USP38: variants seen among roughly 807,000 people sequenced by gnomAD.
The protein encoded by USP38 is ubiquitin specific peptidase 38.
Under a neutral mutation model 94.3 loss-of-function variants are expected in USP38, and 49 were observed. The ratio of observed to expected loss-of-function variants is 0.52; its 90% CI spans 0.41 to 0.66. The LOEUF is 0.66. Among genes scored for constraint, USP38 ranks in the 30% least tolerant of loss-of-function variants. USP38 has a pLI of 0.00. For synonymous variants in USP38, 468 were observed against 463.6 expected (o/e 1.01, Z -0.12); for missense variants, 1,128 against 1,229.4 (o/e 0.92, Z 1.23).
rs377244774 is a variant in USP38, at chr4:143,209,676, A to G, written c.1497+19A>G. 1 of 1,498,408 alleles carries G rather than the reference A, an allele frequency of 6.7e-7. No homozygotes were observed. The highest frequency in any genetic ancestry group is 1.8e-5 in the Admixed American group (1 of 55,304). The allele number at this position is 1,498,408 out of a possible 1,614,324, so 92.8% of individuals were successfully genotyped here. On this transcript the variant is annotated intron_variant, in intron 7 of 9. Coordinates refer to ENST00000307017, the MANE Select transcript of USP38 (RefSeq NM_032557.6). ...TACACAGGTGAGTGTGTATGTGTAT[A>G]TAGTACGTTTATGTTAACTGCGTGG...
At chr4:143,220,236 G>T in intron 9 of USP38, 59 bp from the exon 10 acceptor site, 1 of 1,483,544 alleles carries the variant, frequency 6.7e-7, no homozygotes, top group South Asian at 1.3e-5. Context: ...TTCTATAGGT[G>T]ATATAACGAT....
chr4:143,203,991 T>C (rs919444908), intron 5 of USP38, among the ~76,000 whole-genome samples: 4 of 152,038 alleles, frequency 2.6e-5, no homozygotes, highest in East Asian at 1.9e-4. Flanking sequence ...TTTTTTTTTT[T>C]TTCTTCTTGA....
intron 8 of USP38, among the ~76,000 whole-genome samples, 158 bp downstream of exon 8, chr4:143,212,582 A>G (rs1732057486): frequency 9.1e-6 from 1 of 109,446 alleles, no homozygotes; most frequent in Non-Finnish European, 2.0e-5. Flanking sequence ...TTTGTTTTTA[A>G]TTTATTTTCC....
At chr4:143,192,251 T>C (rs1731416647) in intron 2 of USP38, among the ~76,000 whole-genome samples, 1 of 152,306 alleles carries the variant, frequency 6.6e-6, no homozygotes, top group African/African-American at 2.4e-5. Context: ...AGATTTTAGA[T>C]TGGGTTATTT....
chr4:143,206,906 T>G (rs1160779797), intron 6 of USP38, among the ~76,000 whole-genome samples: 3 of 152,182 alleles, frequency 2.0e-5, no homozygotes, highest in Admixed American at 6.5e-5. Flanking sequence ...GATCAACAAC[T>G]TTGTTGCTGT....
At chr4:143,203,317 GATC>G in intron 4 of USP38, 88 bp from the exon 5 acceptor site, 1 of 1,274,692 alleles carries the variant, frequency 7.8e-7, no homozygotes. Flanking sequence ...AGTATCTGCT[GATC>G]ATATATCGTT....
In USP38 at chr4:143,214,407, G is replaced by T; in HGVS notation, c.2431G>T (p.Val811Phe). The change falls in exon 9 of 10, where the codon GTT (valine) becomes TTT (phenylalanine). Residue 811 changes from valine to phenylalanine, a missense_variant. Val to Phe is a conservative substitution (Grantham distance 50). Coordinates refer to ENST00000307017, the MANE Select transcript of USP38 (RefSeq NM_032557.6). ...ATTGTCAGAAAGTTGGTCTGTAGAT[G>T]TTGACTTCACTGATCTTAGTGAGAA... is the stretch of plus-strand genomic sequence containing the variant. Reference protein sequence around the residue: ...SSLSESWSVDVDFTDLSENLA... With the variant: ...SSLSESWSVDFDFTDLSENLA... 6.2e-7 allele frequency: 1 copy of T among 1,613,782 alleles called. No homozygotes were observed.
rs568305002 is a variant in USP38 at position 143,185,547 on chromosome 4, C to T, written c.97C>T (p.Leu33=). Residue 33 remains leucine, a synonymous_variant, in exon 1 of 10, where the codon CTA becomes TTA. Coordinates refer to ENST00000307017, the MANE Select transcript of USP38 (RefSeq NM_032557.6). ...GGTGGTGGAATCGGCGGAGCACTGGCTAGACGAGGCGCAGTGCGAGGCCAT... is the reference window on the plus strand; with the variant it reads ...GGTGGTGGAATCGGCGGAGCACTGGTTAGACGAGGCGCAGTGCGAGGCCAT... ...RKVVESAEHW[L]DEAQCEAMFD... is the part of the protein sequence containing the mutation. The T allele has an allele frequency of 1.7e-5, 28 of 1,614,044 alleles. 1 individual carries two copies. In the East Asian group the frequency reaches 2.7e-4, roughly 15 times the overall value.
chr4:143,201,899 CTG>C (rs1160986583), intron 4 of USP38, among the ~76,000 whole-genome samples: 2 of 152,108 alleles, frequency 1.3e-5, no homozygotes, highest in Non-Finnish European at 2.9e-5. Context: ...ATCTGTATAA[CTG>C]TGAAAGACTA....
At chr4:143,192,805 G>A (rs1255130183) in intron 2 of USP38, among the ~76,000 whole-genome samples, 3 of 152,100 alleles carry the variant, frequency 2.0e-5, no homozygotes, top group Non-Finnish European at 2.9e-5. Flanking sequence ...CTTCTGATTT[G>A]TGTAACATCT....
Position 143,196,905 on chromosome 4 carries a change from T to A in USP38, c.949-918T>A, listed in dbSNP as rs549506963. Among the ~76,000 whole-genome samples, 9 of 152,278 alleles carry A rather than the reference T, an allele frequency of 5.9e-5. No individual in the cohort carries two copies. The South Asian group carries it at 1.9e-3, about 32-fold the overall frequency. On this transcript the variant is annotated intron_variant, in intron 3 of 9. Transcript: ENST00000307017. ...ATTCTTATCTTTTTTTCATTCCCTCTCAGCCCATATCCTACAAATTCTACT... is the reference window on the plus strand; with the variant it reads ...ATTCTTATCTTTTTTTCATTCCCTCACAGCCCATATCCTACAAATTCTACT...
intron 5 of USP38, 23 bp from the exon 6 acceptor site, chr4:143,206,009 GT>G: frequency 2.0e-6 from 3 of 1,465,128 alleles, no homozygotes; most frequent in Non-Finnish European, 2.7e-6. Flanking sequence ...CTTTTAAACT[GT>G]TTTTCTTCTT....
chr4:143,220,604 G>A lies in USP38; in HGVS notation c.*148G>A. Reference sequence around the variant, plus strand: ...ACTCAGTGCTTGTTTTTATTTTCTTGACACATTTATTAACAAAATGCATCA... The same window carrying A: ...ACTCAGTGCTTGTTTTTATTTTCTTAACACATTTATTAACAAAATGCATCA... On this transcript the variant is annotated 3_prime_UTR_variant, in exon 10 of 10. Coordinates refer to ENST00000307017, the MANE Select transcript of USP38 (RefSeq NM_032557.6). The A allele has an allele frequency of 1.2e-6, 1 of 813,804 alleles. No individual in the cohort carries two copies. Among genetic ancestry groups the A allele is most frequent in the Non-Finnish European group, 1.7e-6 (1 of 598,370 alleles). 50.4% of individuals were successfully genotyped at this position (813,804 alleles called of 1,614,324 possible).
intron 2 of USP38, among the ~76,000 whole-genome samples, chr4:143,194,532 G>A (rs1455214069): frequency 6.6e-6 from 1 of 151,914 alleles, no homozygotes; most frequent in Non-Finnish European, 1.5e-5. Context: ...TTTGGAGACG[G>A]AGTCTCGCTC....
chr4:143,195,753 G>A lies in USP38; in HGVS notation c.856G>A (p.Val286Met), dbSNP rs776924780. The change falls in exon 3 of 10, where the codon GTG becomes ATG. Residue 286 changes from valine (V) to methionine (M), a missense_variant. Val to Met is a conservative substitution (Grantham distance 21). Coordinates refer to ENST00000307017, the MANE Select transcript of USP38 (RefSeq NM_032557.6). Reference sequence around the variant, plus strand: ...GCTATCCTGGCCATTGGCTCAGCATGTGGATACATGGGTAATTGCACTCCT... The same window carrying A: ...GCTATCCTGGCCATTGGCTCAGCATATGGATACATGGGTAATTGCACTCCT... ...DWLSWPLAQHVDTWVIALLKG... is the reference protein window; with the variant it reads ...DWLSWPLAQHMDTWVIALLKG... 3.6e-5 allele frequency: 58 copies of A among 1,612,492 alleles called. No homozygotes were observed. The highest frequency in any genetic ancestry group is 3.3e-4 in the Middle Eastern group (2 of 6,082).
At chr4:143,207,445 G>C (rs1446993595) in intron 6 of USP38, among the ~76,000 whole-genome samples, 1 of 152,164 alleles carries the variant, frequency 6.6e-6, no homozygotes, top group Non-Finnish European at 1.5e-5. Flanking sequence ...GGCTGAGGCA[G>C]GAGAATCACT....
At chr4:143,205,958 TG>T (rs1203845318) in intron 5 of USP38, 74 bp from the exon 6 acceptor site, 1 of 1,134,192 alleles carries the variant, frequency 8.8e-7, no homozygotes, top group African/African-American at 1.6e-5. Flanking sequence ...ATCTTCTTAA[TG>T]GTGTTAATTA....
At chr4:143,204,392 A>G (rs1731802412) in intron 5 of USP38, 1 of 448,346 alleles carries the variant, frequency 2.2e-6, no homozygotes, top group Non-Finnish European at 4.4e-6. Flanking sequence ...GGTTCTAAAA[A>G]GCACTTTTTT....
Position 143,220,578 on chromosome 4 carries a change from C to T in USP38, c.*122C>T, listed in dbSNP as rs1373343432. On this transcript the variant is annotated 3_prime_UTR_variant, in exon 10 of 10. Coordinates refer to ENST00000307017, the MANE Select transcript of USP38 (RefSeq NM_032557.6). ...TAGACCCTTATACTTCAAGAGAACA[C>T]ACTCAGTGCTTGTTTTTATTTTCTT... The T allele has an allele frequency of 1.1e-6, 1 of 950,150 alleles. No homozygotes were observed. The highest frequency in any genetic ancestry group is 4.5e-5 in the South Asian group (1 of 22,188). The allele number at this position is 950,150 out of a possible 1,614,324, so 58.9% of individuals were successfully genotyped here.
Sources: gnomAD v4.1 joint callset for allele counts (sites outside exome capture counted in the v4.1 genomes callset) on GRCh38, gnomAD v4.1.1 for gene constraint, MANE v1.5 for transcripts, NCBI Gene and HGNC (gene_info 2026-07-23, HGNC 2026-07-21) for gene names.